CCDC141: variants seen among roughly 807,000 people sequenced by gnomAD.
CCDC141 encodes the protein coiled-coil domain containing 141, also known as coiled-coil domain-containing protein 141.
In CCDC141, 168 loss-of-function variants were observed where a neutral mutation model predicts 181.0. The ratio of observed to expected loss-of-function variants is 0.93; its 90% CI spans 0.82 to 1.05. The LOEUF (loss-of-function observed/expected upper bound fraction) is 1.05. Among genes scored for constraint, CCDC141 ranks in the 50% least tolerant of loss-of-function variants. The pLI, the probability that CCDC141 is intolerant of heterozygous loss-of-function variation, is 0.00. For missense variants in CCDC141, 1,902 were observed against 1,788.5 expected (o/e 1.06, Z -1.14); for synonymous variants, 666 against 642.3 (o/e 1.04, Z -0.56).
At chr2:178,827,829 A>G (rs1481675702), downstream of CCDC141, among the ~76,000 whole-genome samples, 1 of 152,228 alleles carries the variant, frequency 6.6e-6, no homozygotes, top group Non-Finnish European at 1.5e-5. Flanking sequence ...GCTTAAAACA[A>G]CAGAAATGTA....
At chr2:178,941,102 C>T (rs542641902) in intron 6 of CCDC141, among the ~76,000 whole-genome samples, 1 of 152,308 alleles carries the variant, frequency 6.6e-6, no homozygotes, top group African/African-American at 2.4e-5. Flanking sequence ...AGACAACTCT[C>T]CTTAGCCTCT....
intron 6 of CCDC141, among the ~76,000 whole-genome samples, chr2:178,934,161 C>T (rs146798190): frequency 1.1e-3 from 161 of 152,204 alleles, no homozygotes; most frequent in African/African-American, 3.8e-3. Flanking sequence ...CACTAACCCA[C>T]ACATTCCCCA....
chr2:178,855,334 A>C lies in CCDC141; in HGVS notation c.3060+13T>G, dbSNP rs558496792. The C allele has an allele frequency of 6.3e-7, 1 of 1,597,676 alleles. No individual in the cohort carries two copies. The highest frequency in any genetic ancestry group is 1.8e-5 in the Admixed American group (1 of 56,110). On this transcript the variant is annotated intron_variant, in intron 19 of 23. Transcript: ENST00000443758. ...AACATTACAACATGGATACCACTGC[A>C]AAAAGAGAATACCTCTTCTATCACC...
chr2:178,849,152 A>G (rs1034525447), intron 21 of CCDC141, among the ~76,000 whole-genome samples: 6 of 152,196 alleles, frequency 3.9e-5, no homozygotes, highest in East Asian at 1.9e-4. Flanking sequence ...TCCTACAGAA[A>G]AAAGAGGCTG....
intron 6 of CCDC141, among the ~76,000 whole-genome samples, chr2:178,926,966 G>T: frequency 6.6e-6 from 1 of 151,990 alleles, no homozygotes; most frequent in East Asian, 1.9e-4. Flanking sequence ...AATATGATCA[G>T]GTTTTTCTTT....
At position 178,845,607 on chromosome 2, in the gene CCDC141, G is replaced by T. The variant is rs1359549121; in HGVS notation, c.3474+19C>A. ...AAAGCAAAAGTCCTCAATAGCTGAG[G>T]TTAAGTAGTTTTCTTTACCTTATTC... On this transcript the variant is annotated intron_variant, in intron 22 of 23. Transcript: ENST00000443758. The T allele has an allele frequency of 7.4e-7, 1 of 1,349,510 alleles. No individual in the cohort carries two copies. The highest frequency in any genetic ancestry group is 1.1e-6 in the Non-Finnish European group (1 of 939,652). The allele number at this position is 1,349,510 out of a possible 1,614,324, so 83.6% of individuals were successfully genotyped here. A position where few individuals can be genotyped will look rare whatever the true frequency, so the allele number is the denominator to read the frequency against.
At chr2:178,947,931 G>A (rs1689798196) in intron 5 of CCDC141, among the ~76,000 whole-genome samples, 2 of 152,142 alleles carry the variant, frequency 1.3e-5, no homozygotes, top group Non-Finnish European at 2.9e-5. Context: ...TGAGTATGGT[G>A]GTTCATGCCT....
chr2:178,883,180 C>T (rs13006707), intron 11 of CCDC141, among the ~76,000 whole-genome samples: 12,871 of 152,230 alleles, frequency 0.085, 620 homozygotes, highest in African/African-American at 0.13. Context: ...TTCTTTGTAG[C>T]TTCTCTACCA....
chr2:178,880,801 G>T (rs1686567446), intron 11 of CCDC141, among the ~76,000 whole-genome samples: 1 of 152,196 alleles, frequency 6.6e-6, no homozygotes, highest in African/African-American at 2.4e-5. Flanking sequence ...CTGAGAAAGT[G>T]ATTAAAAGAG....
intron 2 of CCDC141, 55 bp from the exon 3 acceptor site, chr2:178,978,730 A>T (rs1030346710): frequency 7.6e-7 from 1 of 1,316,570 alleles, no homozygotes; most frequent in Non-Finnish European, 1.0e-6. Flanking sequence ...GTAAGAACAC[A>T]GGATCACATT....
chr2:178,836,152 A>G (rs940911342), intron 23 of CCDC141: 24 of 152,570 alleles, frequency 1.6e-4, no homozygotes, highest in African/African-American at 5.1e-4. Flanking sequence ...AATGTTTAAA[A>G]GTAACCCACA....
intron 12 of CCDC141, 149 bp downstream of exon 12, chr2:178,877,815 G>T: frequency 1.4e-6 from 1 of 726,424 alleles, no homozygotes; most frequent in Non-Finnish European, 2.4e-6. Context: ...TAAATGTTGG[G>T]CTTCAGGACT....
chr2:178,980,874 A>G (rs544519691), intron 2 of CCDC141, among the ~76,000 whole-genome samples: 1 of 152,342 alleles, frequency 6.6e-6, no homozygotes, highest in South Asian at 2.1e-4. Flanking sequence ...ACCTCAATAA[A>G]GCTGGATGAA....
At chr2:178,946,313 A>G (rs1304751073) in intron 5 of CCDC141, among the ~76,000 whole-genome samples, 1 of 152,188 alleles carries the variant, frequency 6.6e-6, no homozygotes, top group Non-Finnish European at 1.5e-5. Flanking sequence ...AGAATATTTT[A>G]TCAACAGCTA....
chr2:178,865,917 C>T lies in CCDC141; in HGVS notation c.2575-1G>A. 2.6e-6 allele frequency: 4 copies of T among 1,531,760 alleles called. No individual in the cohort carries two copies. The highest frequency in any genetic ancestry group is 3.5e-6 in the Non-Finnish European group (4 of 1,138,740). The allele number at this position is 1,531,760 out of a possible 1,614,324, so 94.9% of individuals were successfully genotyped here. On this transcript the variant is annotated splice_acceptor_variant, in intron 16 of 23. Coordinates refer to ENST00000443758, the MANE Select transcript of CCDC141 (RefSeq NM_173648.4). LOFTEE classifies it high-confidence loss of function. ...TCTTTGCAGAAACATTAGAGCAGTG[C>T]TAAAAGAGACAAATGGTGGTAACAG...
downstream of CCDC141, chr2:178,825,207 A>G (rs374564155): frequency 3.9e-5 from 6 of 152,316 alleles, no homozygotes; most frequent in East Asian, 1.2e-3. Flanking sequence ...CTACTTTTAA[A>G]GGTGTAATAC....
Position 178,947,314 on chromosome 2 carries a change from T to C in CCDC141, c.781-2663A>G, listed in dbSNP as rs79173959. ...ACAGTAAATGATGCACCAGGACATT[T>C]ATGTAGAACATGGTCCCTGCAAAAC... On this transcript the variant is annotated intron_variant, in intron 5 of 23. Coordinates refer to ENST00000443758, the MANE Select transcript of CCDC141 (RefSeq NM_173648.4). Among the ~76,000 whole-genome samples, 3 of 152,166 alleles carry C rather than the reference T, an allele frequency of 2.0e-5. No individual in the cohort carries two copies. The East Asian group carries it at 5.8e-4, about 29-fold the overall frequency.
At chr2:179,024,900 G>A (rs2042789897) in intron 2 of CCDC141, among the ~76,000 whole-genome samples, 1 of 151,876 alleles carries the variant, frequency 6.6e-6, no homozygotes, top group South Asian at 2.1e-4. Flanking sequence ...TAGAATTACT[G>A]CAAAAACTTT....
the CCDC141 span, among the ~76,000 whole-genome samples, chr2:178,816,915 T>G: frequency 1.3e-5 from 2 of 152,184 alleles, no homozygotes; most frequent in Non-Finnish European, 2.9e-5. Context: ...ATTCTAGCTT[T>G]CTAGGATGAG....
Sources: gnomAD v4.1 joint callset for allele counts (sites outside exome capture counted in the v4.1 genomes callset) on GRCh38, gnomAD v4.1.1 for gene constraint, MANE v1.5 for transcripts, NCBI Gene and HGNC (gene_info 2026-07-23, HGNC 2026-07-21) for gene names.